TEC: variants seen among roughly 807,000 people sequenced by gnomAD.
TEC encodes tyrosine-protein kinase Tec.
A neutral mutation model predicts 93.0 loss-of-function variants in TEC; 72 were observed. The observed-to-expected ratio is 0.77, with a 90% CI of 0.64 to 0.94. TEC has a LOEUF of 0.94. Among genes scored for constraint, TEC ranks in the 40% least tolerant of loss-of-function variants. The probability of loss-of-function intolerance (pLI) is 0.00; values close to 1 mark genes in which losing one functional copy is unlikely to be tolerated. For synonymous variants in TEC, 249 were observed against 247.7 expected, an observed-to-expected ratio of 1.01 and a Z score of -0.05; for missense variants, 630 against 757.9, an observed-to-expected ratio of 0.83 and a Z score of 1.98.
At chr4:48,172,163 TAGAC>T (rs1204839922) in intron 3 of TEC, among the ~76,000 whole-genome samples, 1 of 152,232 alleles carries the variant, frequency 6.6e-6, no homozygotes, top group Non-Finnish European at 1.5e-5. Context: ...GGTGGGCAAT[TAGAC>T]AGTCTTATTT....
chr4:48,168,522 C>G, intron 6 of TEC, 64 bp downstream of exon 6: 3 of 1,557,940 alleles, frequency 1.9e-6, no homozygotes, highest in Non-Finnish European at 2.6e-6. Context: ...CAAACACTAC[C>G]AAAACTTAAG....
chr4:48,210,319 C>G (rs1293833719), intron 2 of TEC, among the ~76,000 whole-genome samples: 2 of 151,918 alleles, frequency 1.3e-5, no homozygotes, highest in African/African-American at 4.8e-5. Context: ...TCCATCTCTA[C>G]AAAACTAAAA....
chr4:48,144,495 G>A (rs923931665), intron 14 of TEC, among the ~76,000 whole-genome samples: 7 of 152,124 alleles, frequency 4.6e-5, no homozygotes, highest in Non-Finnish European at 1.0e-4. Flanking sequence ...AAGAATGGAG[G>A]AGAGAGTGAG....
At chr4:48,167,674 T>C in intron 7 of TEC, 104 bp downstream of exon 7, 1 of 1,036,968 alleles carries the variant, frequency 9.6e-7, no homozygotes, top group East Asian at 2.5e-5. Context: ...TTATGGCTGG[T>C]GAAATTAGTC....
chr4:48,209,009 C>A (rs1722806374), intron 2 of TEC, among the ~76,000 whole-genome samples: 1 of 152,104 alleles, frequency 6.6e-6, no homozygotes. Flanking sequence ...ATCTAGATTT[C>A]TCTATTTCTA....
intron 11 of TEC, among the ~76,000 whole-genome samples, chr4:48,146,787 T>C (rs1397015305): frequency 6.6e-6 from 1 of 152,174 alleles, no homozygotes; most frequent in African/African-American, 2.4e-5. Flanking sequence ...GGCTCTAGGA[T>C]AGCAACAACT....
chr4:48,171,672 T>C (rs192380562), intron 3 of TEC, among the ~76,000 whole-genome samples: 55 of 152,310 alleles, frequency 3.6e-4, no homozygotes, highest in African/African-American at 1.2e-3. Context: ...CCATGTTTTA[T>C]AGAAAAAAAT....
At chr4:48,164,846 T>C (rs1720817314) in intron 7 of TEC, among the ~76,000 whole-genome samples, 1 of 151,818 alleles carries the variant, frequency 6.6e-6, no homozygotes, top group Non-Finnish European at 1.5e-5. Context: ...TACTAAAAAA[T>C]ACAAAAATTA....
At position 48,257,771 on chromosome 4, in the gene TEC, T is replaced by G. The variant is rs17609264; in HGVS notation, c.-46+11981A>C. On this transcript the variant is annotated intron_variant, in intron 1 of 17. Transcript: ENST00000381501. ...TGTTATTTAGGTCAGTTTGCCACAG[T>G]ACAAGAGGGTGCACCCTGTCCACAT... 4.1e-3 allele frequency among the ~76,000 whole-genome samples: 534 copies of G among 130,504 alleles called. 14 individuals are homozygous for G. The highest frequency in any genetic ancestry group is 0.036 in the Admixed American group (425 of 11,724). The allele number at this position is 130,504 out of a possible 152,430, so 85.6% of individuals were successfully genotyped here. A position where few individuals can be genotyped will look rare whatever the true frequency, so the allele number is the denominator to read the frequency against.
chr4:48,214,117 T>A (rs1722995100), intron 2 of TEC, among the ~76,000 whole-genome samples: 1 of 152,212 alleles, frequency 6.6e-6, no homozygotes. Context: ...AAAAACTTTT[T>A]TAAAAGGCTA....
At chr4:48,139,147 GAAGCTAAATGTTC>G in intron 15 of TEC, 125 bp from the exon 16 acceptor site, 2 of 791,226 alleles carry the variant, frequency 2.5e-6, no homozygotes, top group Non-Finnish European at 4.1e-6. Context: ...GCATCCGGTT[GAAGCTAAATGTTC>G]ACCTCAGTGG....
intron 1 of TEC, among the ~76,000 whole-genome samples, chr4:48,237,662 T>G (rs1723822290): frequency 6.6e-6 from 1 of 152,220 alleles, no homozygotes; most frequent in Non-Finnish European, 1.5e-5. Flanking sequence ...TTTGCCAATA[T>G]CCAGCAGTAT....
At chr4:48,210,937 T>C (rs1722880636) in intron 2 of TEC, among the ~76,000 whole-genome samples, 1 of 152,192 alleles carries the variant, frequency 6.6e-6, no homozygotes, top group Non-Finnish European at 1.5e-5. Flanking sequence ...CTTATGTATA[T>C]AATAATAACA....
At chr4:48,153,586 A>C (rs1025258491) in intron 9 of TEC, 1 of 152,154 alleles carries the variant, frequency 6.6e-6, no homozygotes, top group Non-Finnish European at 1.5e-5. Flanking sequence ...TGTGGGAGTT[A>C]TTTATATTCT....
chr4:48,198,743 G>C (rs1311139301), intron 2 of TEC, among the ~76,000 whole-genome samples: 2 of 151,682 alleles, frequency 1.3e-5, no homozygotes, highest in Non-Finnish European at 2.9e-5. Context: ...GATAGGCAAG[G>C]GGAAAAAATA....
intron 14 of TEC, among the ~76,000 whole-genome samples, chr4:48,142,269 G>A (rs1279306429): frequency 2.0e-5 from 3 of 152,112 alleles, no homozygotes; most frequent in African/African-American, 4.8e-5. Context: ...TCAGGAGTTC[G>A]GGACCAGCCT....
chr4:48,188,604 GCATATGTATGTATGTATGCTATACATA>G (rs1360955962), intron 2 of TEC, among the ~76,000 whole-genome samples: 7 of 152,032 alleles, frequency 4.6e-5, no homozygotes, highest in Non-Finnish European at 8.8e-5. Context: ...ACTCATACAA[GCATATGTATGTATGTATGCTATACATA>G]CATATACACA....
At position 48,137,116 on chromosome 4, in the gene TEC, CT is replaced by C. The variant is rs1311303363; in HGVS notation, c.*299del. On this transcript the variant is annotated 3_prime_UTR_variant, in exon 18 of 18. Transcript: ENST00000381501. ...CTAACATGGTCCCATGTGTGCACCC[CT>C]GAATGGCCAAACCCTGGGGCTACAC... The C allele has an allele frequency of 5.8e-6, 2 of 342,156 alleles. No homozygotes were observed. The highest frequency in any genetic ancestry group is 4.3e-5 in the African/African-American group (2 of 46,414). The allele number at this position is 342,156 out of a possible 1,614,324, so 21.2% of individuals were successfully genotyped here. A position where few individuals can be genotyped will look rare whatever the true frequency, so the allele number is the denominator to read the frequency against.
chr4:48,198,134 G>T (rs1347750638), intron 2 of TEC, among the ~76,000 whole-genome samples: 3 of 152,118 alleles, frequency 2.0e-5, no homozygotes, highest in Non-Finnish European at 4.4e-5. Context: ...GTGATGTATT[G>T]AGTTTCCACT....
Sources: allele counts gnomAD v4.1 joint callset (sites outside exome capture counted in the v4.1 genomes callset), GRCh38; gene constraint gnomAD v4.1.1; transcripts MANE v1.5; gene names NCBI Gene and HGNC (gene_info 2026-07-23, HGNC 2026-07-21).